The following SS18L1 variants were observed in gnomAD, a reference collection of about 807,000 sequenced individuals.
SS18L1 encodes SS18L1 subunit of BAF chromatin remodeling complex, also known as calcium-responsive transactivator.
A neutral mutation model predicts 70.3 loss-of-function variants in SS18L1; 32 were observed. That is an observed-to-expected ratio of 0.46 (90% CI 0.34 to 0.61). The LOEUF (loss-of-function observed/expected upper bound fraction) is 0.61. Ranked by LOEUF, SS18L1 falls within the 20% of genes least tolerant of loss-of-function variation. The probability of loss-of-function intolerance (pLI) is 0.01; values close to 1 mark genes in which losing one functional copy is unlikely to be tolerated. For synonymous variants in SS18L1, 237 were observed against 229.7 expected (o/e 1.03, Z -0.29); for missense variants, 430 against 542.1 (o/e 0.79, Z 2.05).
intron 1 of SS18L1, among the ~76,000 whole-genome samples, chr20:62,144,401 C>T (rs993455230): frequency 6.6e-6 from 1 of 152,194 alleles, no homozygotes; most frequent in Non-Finnish European, 1.5e-5. Flanking sequence ...GCACTTGCGA[C>T]CGCGGGGACT....
At chr20:62,160,343 G>A (rs2057304104) in intron 3 of SS18L1, among the ~76,000 whole-genome samples, 1 of 101,754 alleles carries the variant, frequency 9.8e-6, no homozygotes, top group South Asian at 3.7e-4. Flanking sequence ...GGGGTGGGGA[G>A]AGGTGGAGAG....
At chr20:62,156,802 C>T (rs551411844) in intron 1 of SS18L1, among the ~76,000 whole-genome samples, 119 of 152,384 alleles carry the variant, frequency 7.8e-4, no homozygotes, top group African/African-American at 2.7e-3. Context: ...TCCCCTTGCC[C>T]TGGGGCTCCC....
rs753119889 is a variant in SS18L1 at position 62,164,245 on chromosome 20, C to T, written c.822C>T (p.Asp274=). Residue 274 remains aspartate (D), a splice_region_variant and synonymous_variant, in exon 7 of 11, where the codon GAC becomes GAT. Coordinates refer to ENST00000331758, the MANE Select transcript of SS18L1 (RefSeq NM_198935.3). ...AEPMGQQYYP[D]GHGDYAYQQS... is the part of the protein sequence containing the mutation. ...CCATGGGCCAGCAGTACTACCCCGACGGTGAGCACTGGCGGCGGCCTGACC... is the reference window on the plus strand; with the variant it reads ...CCATGGGCCAGCAGTACTACCCCGATGGTGAGCACTGGCGGCGGCCTGACC... 12 of 1,546,596 alleles carry T rather than the reference C, an allele frequency of 7.8e-6. No homozygotes were observed. The highest frequency in any genetic ancestry group is 3.9e-5 in the Admixed American group (2 of 50,762).
intron 1 of SS18L1, among the ~76,000 whole-genome samples, chr20:62,147,944 C>T (rs1414691293): frequency 6.6e-6 from 1 of 152,156 alleles, no homozygotes; most frequent in Non-Finnish European, 1.5e-5. Flanking sequence ...CTGTGTGCTC[C>T]CTCAGAAGTG....
At chr20:62,145,200 G>GT (rs2057002816) in intron 1 of SS18L1, among the ~76,000 whole-genome samples, 1 of 152,222 alleles carries the variant, frequency 6.6e-6, no homozygotes, top group African/African-American at 2.4e-5. Context: ...TGTTCTAGGG[G>GT]TTTTATAAAT....
rs1287682720 is a variant in SS18L1, at chr20:62,162,772, C to A, written c.397C>A (p.Gln133Lys). The A allele has an allele frequency of 1.5e-5, 24 of 1,611,000 alleles. No individual in the cohort carries two copies. The highest frequency in any genetic ancestry group is 2.0e-5 in the Non-Finnish European group (24 of 1,178,654). The change falls in exon 5 of 11, where the codon CAG (glutamine) becomes AAG (lysine). Residue 133 changes from glutamine to lysine, a missense_variant. Transcript: ENST00000331758. The part of the protein sequence containing the change: ...IGNGPSHVSM[Q>K]QTAPNTLPTT... ...GCCAGGGCCGAGCCACGTGTCCATGCAGCAGACGGCGCCTAACACGCTGCC... is the reference window on the plus strand; with the variant it reads ...GCCAGGGCCGAGCCACGTGTCCATGAAGCAGACGGCGCCTAACACGCTGCC...
intron 1 of SS18L1, among the ~76,000 whole-genome samples, chr20:62,156,855 A>G (rs1444891279): frequency 6.6e-6 from 1 of 152,148 alleles, no homozygotes; most frequent in Non-Finnish European, 1.5e-5. Context: ...GCGGCCTCCT[A>G]GGGCTGAGTG....
intron 1 of SS18L1, among the ~76,000 whole-genome samples, chr20:62,147,776 G>A (rs578141029): frequency 2.6e-5 from 4 of 152,164 alleles, no homozygotes; most frequent in African/African-American, 9.6e-5. Context: ...TTAGTGCCGT[G>A]CCCAGGGTCC....
Position 62,159,053 on chromosome 20 carries a change from T to C in SS18L1, c.146+305T>C, listed in dbSNP as rs147339793. 1.6e-3 allele frequency: 2,262 copies of C among 1,457,648 alleles called. 50 individuals carry two copies. The African/African-American group carries it at 0.03, about 19-fold the overall frequency. 90.3% of individuals were successfully genotyped at this position (1,457,648 alleles called of 1,614,324 possible). A position where few individuals can be genotyped will look rare whatever the true frequency, so the allele number is the denominator to read the frequency against. ...AGTCCCCCAGCACGGAGGCCAGATA[T>C]GTCCCGAGAGTCCCTGGCACAGCTG... On this transcript the variant is annotated intron_variant, in intron 2 of 10. Transcript: ENST00000331758. The surrounding 1 kb of genome is among the most constrained non-coding windows in gnomAD (Gnocchi z 4.4).
intron 1 of SS18L1, among the ~76,000 whole-genome samples, chr20:62,153,031 AG>A: frequency 6.6e-6 from 1 of 152,176 alleles, no homozygotes; most frequent in Non-Finnish European, 1.5e-5. Context: ...TAAAGGAAAG[AG>A]GCTTAATTAA....
At chr20:62,163,323 C>T (rs1392547801) in intron 5 of SS18L1, 135 bp from the exon 6 acceptor site, 17 of 1,306,140 alleles carry the variant, frequency 1.3e-5, no homozygotes, top group Non-Finnish European at 1.6e-5. Context: ...GCGTGCCTTG[C>T]GGTGGAGGAC....
intron 1 of SS18L1, among the ~76,000 whole-genome samples, chr20:62,147,753 T>G (rs916746348): frequency 6.6e-6 from 1 of 151,864 alleles, no homozygotes; most frequent in Non-Finnish European, 1.5e-5. Context: ...AGACAAGACC[T>G]TCGTGGGGTG....
At chr20:62,157,478 G>A (rs2057244504) in intron 1 of SS18L1, among the ~76,000 whole-genome samples, 1 of 152,216 alleles carries the variant, frequency 6.6e-6, no homozygotes, top group African/African-American at 2.4e-5. Flanking sequence ...TCCTGGCAGT[G>A]CCCATCTTGA....
intron 4 of SS18L1, 116 bp from the exon 5 acceptor site, chr20:62,162,636 G>A (rs2057350060): frequency 2.9e-6 from 3 of 1,026,214 alleles, no homozygotes; most frequent in African/African-American, 1.6e-5. Context: ...CATTAATAGT[G>A]CTGTTGATAG....
At position 62,158,349 on chromosome 20, in the gene SS18L1, C is replaced by T. The variant is rs917076957; in HGVS notation, c.70-323C>T. Among the ~76,000 whole-genome samples the T allele has an allele frequency of 6.6e-6, 1 of 151,442 alleles. No homozygotes were observed. Among genetic ancestry groups the T allele is most frequent in the Admixed American group, 6.6e-5 (1 of 15,172 alleles). On this transcript the variant is annotated intron_variant, in intron 1 of 10. Coordinates refer to ENST00000331758, the MANE Select transcript of SS18L1 (RefSeq NM_198935.3). This position sits in a 1 kb window ranked among gnomAD's most constrained non-coding sequence, Gnocchi z 4.5. ...GTGGTGGCTGAGGCAATGCACGTAA[C>T]GACAGTTTCGTATACAGAACAGGCG...
At chr20:62,170,775 G>T (rs2057517064) in intron 8 of SS18L1, among the ~76,000 whole-genome samples, 1 of 152,252 alleles carries the variant, frequency 6.6e-6, no homozygotes, top group African/African-American at 2.4e-5. Context: ...GGGTGTGAGA[G>T]CCAGGCCTGG....
At position 62,180,357 on chromosome 20, in the gene SS18L1, C is replaced by T. The variant is rs772368326; in HGVS notation, c.*1149C>T. 26 of 187,520 alleles carry T rather than the reference C, an allele frequency of 1.4e-4. No individual in the cohort carries two copies. The highest frequency in any genetic ancestry group is 2.7e-4 in the Non-Finnish European group (24 of 89,050). 11.6% of individuals were successfully genotyped at this position (187,520 alleles called of 1,614,324 possible). On this transcript the variant is annotated 3_prime_UTR_variant, in exon 11 of 11. Coordinates refer to ENST00000331758, the MANE Select transcript of SS18L1 (RefSeq NM_198935.3). ...TTCTGTGTGAACATTAAAGACAGCA[C>T]ACTTGCAAAAGTATGGTCAAAGGAA...
chr20:62,150,633 A>ATTTTTTTTTTTTTTTTTTTT (rs34708339), intron 1 of SS18L1, among the ~76,000 whole-genome samples: 1 of 58,054 alleles, frequency 1.7e-5, no homozygotes, highest in African/African-American at 5.3e-5. Flanking sequence ...ATTGAGGTGG[A>ATTTTTTTTTTTTTTTTTTTT]TTTTTTTTTT....
At chr20:62,166,786 G>A (rs67874644) in intron 8 of SS18L1, among the ~76,000 whole-genome samples, 22,504 of 146,500 alleles carry the variant, frequency 0.15, 2,488 homozygotes, top group African/African-American at 0.32. Context: ...TTAGTTGGAC[G>A]TGGTGGCATG....
Sources: allele counts gnomAD v4.1 joint callset (sites outside exome capture counted in the v4.1 genomes callset), GRCh38; gene constraint gnomAD v4.1.1; non-coding constraint Gnocchi (gnomAD v3.1); transcripts MANE v1.5; gene names NCBI Gene and HGNC (gene_info 2026-07-23, HGNC 2026-07-21).